Variants in DNMBP observed in about 807,000 individuals in gnomAD.
DNMBP encodes dynamin-binding protein.
Under a neutral mutation model 150.0 loss-of-function variants are expected in DNMBP, and 87 were observed. The observed-to-expected ratio is 0.58, with a 90% confidence interval of 0.49 to 0.69. The LOEUF (loss-of-function observed/expected upper bound fraction) is 0.69. Ranked by LOEUF, DNMBP falls within the 30% of genes least tolerant of loss-of-function variation. The pLI is 0.00. For synonymous variants in DNMBP, 711 were observed against 750.4 expected (o/e 0.95, Z 0.86); for missense variants, 1,774 against 1,949.0 (o/e 0.91, Z 1.69).
intron 16 of DNMBP, among the ~76,000 whole-genome samples, chr10:99,878,297 G>A (rs559800773): frequency 6.6e-6 from 1 of 152,154 alleles, no homozygotes; most frequent in Non-Finnish European, 1.5e-5. Flanking sequence ...AGCTCAGGGA[G>A]GAGGAGAAGC....
chr10:99,908,206 C>T, intron 5 of DNMBP, 112 bp from the exon 6 acceptor site: 1 of 723,714 alleles, frequency 1.4e-6, no homozygotes. Context: ...AGGTCACTTT[C>T]TTCACTCACT....
intron 1 of DNMBP, among the ~76,000 whole-genome samples, chr10:99,989,548 TA>T (rs1474404825): frequency 6.6e-6 from 1 of 152,082 alleles, no homozygotes; most frequent in Non-Finnish European, 1.5e-5. Context: ...CCATCTCTAC[TA>T]AAAATACAAA....
Position 99,898,014 on chromosome 10 carries a change from T to C in DNMBP, c.2920+72A>G, listed in dbSNP as rs191963640. ...CCTGCCTTGTCCAACTCTAGCGAAG[T>C]AATGAATTGTTTTGAGAAGAAAAGC... On this transcript the variant is annotated intron_variant, in intron 9 of 16. Transcript: ENST00000324109. 3.7e-6 allele frequency: 5 copies of C among 1,345,452 alleles called. No individual in the cohort carries two copies. The East Asian group carries it at 1.1e-4, about 31-fold the overall frequency. 83.3% of individuals were successfully genotyped at this position (1,345,452 alleles called of 1,614,324 possible).
chr10:99,884,834 G>A (rs573595534), intron 14 of DNMBP, among the ~76,000 whole-genome samples: 2 of 152,088 alleles, frequency 1.3e-5, no homozygotes, highest in Admixed American at 1.3e-4. Context: ...ACCTGGGAGG[G>A]TGGAGGATGC....
chr10:99,925,666 C>T (rs1417010448), intron 4 of DNMBP, among the ~76,000 whole-genome samples: 3 of 152,088 alleles, frequency 2.0e-5, no homozygotes, highest in African/African-American at 4.8e-5. Context: ...CTGCCCACCT[C>T]GGCCTCCCAA....
chr10:99,902,800 C>T (rs1030048801), intron 6 of DNMBP, among the ~76,000 whole-genome samples: 1 of 151,134 alleles, frequency 6.6e-6, no homozygotes, highest in Non-Finnish European at 1.5e-5. Flanking sequence ...TGGTGGCAGG[C>T]GCCTGTAATC....
intron 1 of DNMBP, among the ~76,000 whole-genome samples, chr10:99,997,153 G>A (rs948959854): frequency 6.6e-6 from 1 of 152,186 alleles, no homozygotes; most frequent in African/African-American, 2.4e-5. Flanking sequence ...CTGATAAGCA[G>A]ATCTAAACTG....
intron 16 of DNMBP, among the ~76,000 whole-genome samples, chr10:99,879,357 A>AG (rs1274224811): frequency 6.6e-6 from 1 of 152,080 alleles, no homozygotes; most frequent in African/African-American, 2.4e-5. Context: ...CCAGCTACTC[A>AG]GGAAGCTGAG....
chr10:99,950,630 A>G (rs1271801978), intron 4 of DNMBP, among the ~76,000 whole-genome samples: 2 of 152,232 alleles, frequency 1.3e-5, no homozygotes, highest in Non-Finnish European at 2.9e-5. Context: ...GACTCTTGTT[A>G]TATTTTAGCA....
At chr10:99,945,175 CA>C (rs947720324) in intron 4 of DNMBP, among the ~76,000 whole-genome samples, 1 of 150,878 alleles carries the variant, frequency 6.6e-6, no homozygotes, top group Non-Finnish European at 1.5e-5. Context: ...AAATCAAAAA[CA>C]AAAAAAACAA....
chr10:99,893,418 T>C (rs1177422684), intron 11 of DNMBP, among the ~76,000 whole-genome samples: 1 of 152,208 alleles, frequency 6.6e-6, no homozygotes, highest in African/African-American at 2.4e-5. Flanking sequence ...TTGTCCACAG[T>C]GATATACTAC....
At position 99,879,101 on chromosome 10, in the gene DNMBP, A is replaced by AAAAAAAAAAAAAAAAAAAAAAAC. The variant is rs1554857510; in HGVS notation, c.4548+709_4548+710insGTTTTTTTTTTTTTTTTTTTTTT. ...CTCTGTCTCAAAAAAAAAAAAAAAA[A>AAAAAAAAAAAAAAAAAAAAAAAC]CCCAAAACGTTTGAGATACAAAGCC... On this transcript the variant is annotated intron_variant, in intron 16 of 16. Transcript: ENST00000324109. Among the ~76,000 whole-genome samples, 115 of 135,096 alleles carry AAAAAAAAAAAAAAAAAAAAAAAC rather than the reference A, an allele frequency of 8.5e-4. 7 individuals are homozygous for AAAAAAAAAAAAAAAAAAAAAAAC. Among genetic ancestry groups the AAAAAAAAAAAAAAAAAAAAAAAC allele is most frequent in the African/African-American group, 2.0e-3 (63 of 31,678 alleles). 88.6% of individuals were successfully genotyped at this position (135,096 alleles called of 152,430 possible).
At chr10:99,970,968 T>A (rs1329583921) in intron 2 of DNMBP, among the ~76,000 whole-genome samples, 18 of 27,420 alleles carry the variant, frequency 6.6e-4, no homozygotes, top group Non-Finnish European at 1.1e-3. Context: ...CAAGACTCCG[T>A]CTCAAAAAAA....
chr10:99,968,152 T>C (rs959340308), intron 3 of DNMBP, among the ~76,000 whole-genome samples: 4 of 152,162 alleles, frequency 2.6e-5, no homozygotes, highest in Admixed American at 6.6e-5. Context: ...TATAGGTGCA[T>C]ACCACCATGC....
intron 12 of DNMBP, among the ~76,000 whole-genome samples, chr10:99,887,228 T>G (rs1476605143): frequency 6.6e-6 from 1 of 151,996 alleles, no homozygotes; most frequent in Non-Finnish European, 1.5e-5. Flanking sequence ...AGCCCCCATT[T>G]TTATCTTCCA....
chr10:99,889,037 TTGGAAA>T (rs2039517648), intron 11 of DNMBP, 84 bp from the exon 12 acceptor site: 2 of 1,488,668 alleles, frequency 1.3e-6, no homozygotes, highest in South Asian at 2.6e-5. Context: ...AATAGCAGTC[TTGGAAA>T]AATGAGTTCC....
Position 99,956,260 on chromosome 10 carries a change from G to A in DNMBP, c.1214C>T (p.Pro405Leu). 4 of 1,613,898 alleles carry A rather than the reference G, an allele frequency of 2.5e-6. No homozygotes were observed. The highest frequency in any genetic ancestry group is 3.4e-6 in the Non-Finnish European group (4 of 1,179,980). ...GGAAATACCATTGACTACTTCTGTA[G>A]GGTCAGATGTGGGAGAGTCTGTGGC... ...PLATDSPTSD[P>L]TEVVNGISSQ... is the part of the protein sequence containing the mutation. Residue 405 changes from proline to leucine, a missense_variant, in exon 4 of 17, where the codon CCT (proline) becomes CTT (leucine). Pro to Leu is a moderately conservative substitution (Grantham distance 98, BLOSUM62 -3). Coordinates refer to ENST00000324109, the MANE Select transcript of DNMBP (RefSeq NM_015221.4).
chr10:99,883,955 C>A, intron 15 of DNMBP, 56 bp downstream of exon 15: 1 of 1,550,690 alleles, frequency 6.4e-7, no homozygotes, highest in Non-Finnish European at 8.8e-7. Flanking sequence ...TCGGGTGCAG[C>A]CAAAACTACT....
At chr10:99,971,579 T>C (rs2040677361) in intron 2 of DNMBP, among the ~76,000 whole-genome samples, 1 of 152,152 alleles carries the variant, frequency 6.6e-6, no homozygotes. Flanking sequence ...TGGAATGCAA[T>C]GGCACAATCT....
Sources: gnomAD v4.1 joint callset for allele counts (sites outside exome capture counted in the v4.1 genomes callset) on GRCh38, gnomAD v4.1.1 for gene constraint, MANE v1.5 for transcripts, NCBI Gene and HGNC (gene_info 2026-07-23, HGNC 2026-07-21) for gene names.